The following HHAT variants were observed in gnomAD, a reference collection of about 807,000 sequenced individuals.
HHAT encodes the protein protein-cysteine N-palmitoyltransferase HHAT.
A neutral mutation model predicts 70.8 loss-of-function variants in HHAT; 47 were observed. The observed-to-expected ratio is 0.66, with a 90% CI of 0.53 to 0.85. HHAT has a LOEUF of 0.85. HHAT is among the 40% of genes least tolerant of loss of function. The pLI, the probability that HHAT is intolerant of heterozygous loss-of-function variation, is 0.00. For synonymous variants in HHAT, 228 were observed against 247.6 expected (o/e 0.92, Z 0.74); for missense variants, 609 against 604.8 (o/e 1.01, Z -0.07).
intron 1 of HHAT, among the ~76,000 whole-genome samples, chr1:210,345,453 A>G (rs1217036805): frequency 6.6e-6 from 1 of 152,166 alleles, no homozygotes; most frequent in Non-Finnish European, 1.5e-5. Flanking sequence ...TGCTTTGCAA[A>G]CATTTTATTC....
chr1:210,476,543 A>G (rs2501902), intron 8 of HHAT, among the ~76,000 whole-genome samples: 27,549 of 152,160 alleles, frequency 0.18, 2,703 homozygotes, highest in East Asian at 0.43. Context: ...AGTCCAGCCT[A>G]TGCAGCTCTC....
At chr1:210,667,380 C>CAATAAATAAATAAATAAATA (rs3067940) in intron 11 of HHAT, among the ~76,000 whole-genome samples, 2 of 150,374 alleles carry the variant, frequency 1.3e-5, no homozygotes, top group Non-Finnish European at 3.0e-5. Context: ...GAAACTCCGT[C>CAATAAATAAATAAATAAATA]AATAAATAAA....
intron 9 of HHAT, among the ~76,000 whole-genome samples, chr1:210,544,426 G>A (rs1333306999): frequency 7.1e-6 from 1 of 141,366 alleles, no homozygotes; most frequent in East Asian, 2.2e-4. Flanking sequence ...AAGCGGGAGT[G>A]CAAGGGCATG....
intron 9 of HHAT, among the ~76,000 whole-genome samples, chr1:210,570,353 T>C (rs1256468597): frequency 6.6e-6 from 1 of 152,106 alleles, no homozygotes; most frequent in Non-Finnish European, 1.5e-5. Flanking sequence ...TGGATGAGGG[T>C]CCTCTAGAGA....
chr1:210,581,662 G>T (rs772844362), intron 9 of HHAT, among the ~76,000 whole-genome samples: 6 of 152,192 alleles, frequency 3.9e-5, no homozygotes, highest in Non-Finnish European at 8.8e-5. Flanking sequence ...CTTTAGTAGG[G>T]TAATTAGGAT....
chr1:210,434,575 T>G (rs778991862), intron 7 of HHAT, among the ~76,000 whole-genome samples: 10 of 151,626 alleles, frequency 6.6e-5, no homozygotes, highest in Non-Finnish European at 1.3e-4. Flanking sequence ...CAGCTGAAAA[T>G]ACACACATCT....
intron 10 of HHAT, among the ~76,000 whole-genome samples, chr1:210,595,250 A>G (rs1281107601): frequency 6.6e-6 from 1 of 152,140 alleles, no homozygotes; most frequent in Non-Finnish European, 1.5e-5. Context: ...TTTGCTGAGA[A>G]TGATGGTTTC....
chr1:210,428,788 G>A (rs912465403), intron 7 of HHAT, among the ~76,000 whole-genome samples: 1 of 151,724 alleles, frequency 6.6e-6, no homozygotes, highest in African/African-American at 2.4e-5. Flanking sequence ...ACCAGCCTGG[G>A]CAAGATGGCA....
At chr1:210,653,075 C>T (rs768469305) in intron 11 of HHAT, among the ~76,000 whole-genome samples, 5 of 152,152 alleles carry the variant, frequency 3.3e-5, no homozygotes, top group African/African-American at 4.8e-5. Context: ...GAATCACTTA[C>T]GGCATATCCA....
intron 7 of HHAT, among the ~76,000 whole-genome samples, chr1:210,451,808 GTCTCC>G (rs2093761745): frequency 2.0e-5 from 3 of 152,134 alleles, no homozygotes; most frequent in Admixed American, 6.5e-5. Flanking sequence ...CCAACTCTTG[GTCTCC>G]AGTGATCTTC....
At chr1:210,591,193 A>G (rs1401724304) in intron 10 of HHAT, among the ~76,000 whole-genome samples, 1 of 152,036 alleles carries the variant, frequency 6.6e-6, no homozygotes, top group East Asian at 1.9e-4. Context: ...CTCATTAACC[A>G]TCATTCCCCC....
intron 11 of HHAT, among the ~76,000 whole-genome samples, chr1:210,670,213 G>A (rs1331690586): frequency 6.6e-6 from 1 of 152,292 alleles, no homozygotes; most frequent in South Asian, 2.1e-4. Context: ...TGATGAAGAT[G>A]AGGCTCTGCC....
intron 6 of HHAT, among the ~76,000 whole-genome samples, chr1:210,408,448 G>T (rs1281444460): frequency 6.6e-6 from 1 of 152,210 alleles, no homozygotes; most frequent in African/African-American, 2.4e-5. Context: ...CTCCTAAAGT[G>T]CTGGGGTTAC....
At chr1:210,480,830 C>T (rs1239284719) in intron 8 of HHAT, among the ~76,000 whole-genome samples, 1 of 152,198 alleles carries the variant, frequency 6.6e-6, no homozygotes, top group African/African-American at 2.4e-5. Context: ...TGGATACACT[C>T]ATGTGGGACT....
chr1:210,358,189 G>C (rs1171483374), intron 2 of HHAT, among the ~76,000 whole-genome samples: 1 of 152,166 alleles, frequency 6.6e-6, no homozygotes, highest in Non-Finnish European at 1.5e-5. Flanking sequence ...AACATGCACA[G>C]AGCTTATGGC....
chr1:210,654,326 T>C (rs1029312295), intron 11 of HHAT, among the ~76,000 whole-genome samples: 7 of 150,858 alleles, frequency 4.6e-5, no homozygotes, highest in African/African-American at 1.7e-4. Context: ...TCCTGTGTCC[T>C]CTCCACCGGC....
intron 8 of HHAT, among the ~76,000 whole-genome samples, chr1:210,473,338 A>G (rs980909185): frequency 2.0e-5 from 3 of 152,174 alleles, no homozygotes; most frequent in Non-Finnish European, 2.9e-5. Flanking sequence ...TGAAGGGAAG[A>G]GAGTATAATG....
intron 3 of HHAT, chr1:210,374,333 A>G (rs2089995426): frequency 6.6e-6 from 1 of 152,244 alleles, no homozygotes; most frequent in African/African-American, 2.4e-5. Flanking sequence ...GATGGTGCCT[A>G]CAGTTCGCAC....
chr1:210,474,559 A>G (rs2094269854), intron 8 of HHAT, among the ~76,000 whole-genome samples: 1 of 152,206 alleles, frequency 6.6e-6, no homozygotes. Flanking sequence ...GTCTTTTGCC[A>G]TAGTCTGTAT....
Sources: allele counts gnomAD v4.1 joint callset (sites outside exome capture counted in the v4.1 genomes callset), GRCh38; gene constraint gnomAD v4.1.1; transcripts MANE v1.5; gene names NCBI Gene and HGNC (gene_info 2026-07-23, HGNC 2026-07-21).